Variants in ARSF observed in about 807,000 individuals in gnomAD.
ARSF encodes arylsulfatase F.
In ARSF, 33 loss-of-function variants were observed where a neutral mutation model predicts 35.4. The ratio of observed to expected loss-of-function variants is 0.93; its 90% CI spans 0.71 to 1.25. ARSF has a LOEUF of 1.25. ARSF is among the 50% of genes most tolerant of loss of function. The pLI is 0.00. For synonymous variants in ARSF, 222 were observed against 193.1 expected (o/e 1.15, Z -1.24); for missense variants, 501 against 480.2 (o/e 1.04, Z -0.40).
chrX:3,055,033 C>G (rs1310013611), intron 1 of ARSF, among the ~76,000 whole-genome samples: 1 of 107,442 alleles, frequency 9.3e-6, no homozygotes, highest in East Asian at 3.1e-4. Context: ...CCACATCCAG[C>G]CAAAACTGCA....
intron 10 of ARSF, among the ~76,000 whole-genome samples, chrX:3,111,142 T>C (rs939837131): frequency 1.1e-4 from 12 of 110,080 alleles, no homozygotes; most frequent in Admixed American, 2.9e-4. Flanking sequence ...TTCTTTCTTT[T>C]TTTTTTTTTT....
rs779144113 is a variant in ARSF, at chrX:3,112,251, T to A, written c.1468T>A (p.Leu490Ile). The A allele has an allele frequency of 1.8e-5, 22 of 1,208,053 alleles. No homozygotes were observed. The highest frequency in any genetic ancestry group is 2.2e-5 in the Non-Finnish European group (20 of 894,315). Residue 490 changes from leucine to isoleucine, a missense_variant, in exon 11 of 11, where the codon TTA becomes ATA. Coordinates refer to ENST00000381127, the MANE Select transcript of ARSF (RefSeq NM_001201539.2). The stretch of plus-strand genomic sequence containing the variant: ...TTCTGGTGGCTGCTATGTCACCTCA[T>A]TATGCAGATGTTTCGGAGAACAGGT... ...PASGGCYVTS[L>I]CRCFGEQVTY...
At chrX:3,107,573 A>G (rs776729505) in intron 9 of ARSF, among the ~76,000 whole-genome samples, 1 of 111,594 alleles carries the variant, frequency 9.0e-6, no homozygotes, top group Non-Finnish European at 1.9e-5. Context: ...AGAATCTAGA[A>G]TAGCCTAAAA....
chrX:3,108,681 A>G (rs2090424996), intron 9 of ARSF, among the ~76,000 whole-genome samples: 1 of 112,110 alleles, frequency 8.9e-6, no homozygotes, highest in African/African-American at 3.2e-5. Context: ...TTAACATAGG[A>G]AATCATTGTA....
chrX:3,055,930 TC>T (rs2090016197), intron 1 of ARSF, among the ~76,000 whole-genome samples: 1 of 111,381 alleles, frequency 9.0e-6, no homozygotes, highest in Admixed American at 9.7e-5. Context: ...GCGGCATCAT[TC>T]TTTTTGTCTT....
rs768556149 is a variant in ARSF at position 3,084,474 on chromosome X, C to G, written c.638C>G (p.Ser213Cys). The G allele has an allele frequency of 6.0e-5, 73 of 1,209,395 alleles. No homozygotes were observed. The highest frequency in any genetic ancestry group is 7.9e-5 in the Non-Finnish European group (71 of 895,219). The change falls in exon 6 of 11, where the codon TCT (serine) becomes TGT (cysteine). Residue 213 changes from serine to cysteine, a missense_variant. Transcript: ENST00000381127. Reference protein sequence around the residue: ...LTFGKLSGWVSVPWLLIFSMI... With the variant: ...LTFGKLSGWVCVPWLLIFSMI... ...TTTGGGAAGCTGAGCGGCTGGGTCT[C>G]TGTTCCCTGGCTCCTGATCTTCTCC...
chrX:3,051,994 A>AAAC (rs762493386), intron 1 of ARSF, among the ~76,000 whole-genome samples: 5 of 110,953 alleles, frequency 4.5e-5, no homozygotes, highest in Non-Finnish European at 9.4e-5. Context: ...TGCTGTCTCA[A>AAAC]AACAACAACA....
chrX:3,085,048 A>G (rs1255418809), intron 6 of ARSF, among the ~76,000 whole-genome samples: 2 of 110,642 alleles, frequency 1.8e-5, no homozygotes, highest in Non-Finnish European at 3.8e-5. Flanking sequence ...TTAGATAAAA[A>G]TATGAAGTGT....
At chrX:3,061,824 GA>G (rs1297627605) in intron 1 of ARSF, among the ~76,000 whole-genome samples, 1 of 111,319 alleles carries the variant, frequency 9.0e-6, no homozygotes, top group Non-Finnish European at 1.9e-5. Context: ...GACCTACAAA[GA>G]GACTTAGACT....
intron 7 of ARSF, among the ~76,000 whole-genome samples, chrX:3,092,551 C>G (rs1208442358): frequency 9.0e-6 from 1 of 111,615 alleles, no homozygotes; most frequent in Admixed American, 9.6e-5. Flanking sequence ...TAATATTACG[C>G]AAACGGATGG....
Position 3,092,947 on chromosome X carries a change from T to C in ARSF, c.967+3315T>C, listed in dbSNP as rs372387180. ...CAGCACTTTGGGAGGCCAAGGCGGG[T>C]GGATAACGAGTTCAGGCAATCAAAA... On this transcript the variant is annotated intron_variant, in intron 7 of 10. Coordinates refer to ENST00000381127, the MANE Select transcript of ARSF (RefSeq NM_001201539.2). Among the ~76,000 whole-genome samples, 9 of 111,537 alleles carry C rather than the reference T, an allele frequency of 8.1e-5. No homozygotes were observed. In the East Asian group the frequency reaches 1.1e-3, roughly 14 times the overall value.
At chrX:3,105,151 G>A (rs188510367) in intron 9 of ARSF, among the ~76,000 whole-genome samples, 13 of 112,063 alleles carry the variant, frequency 1.2e-4, no homozygotes, top group African/African-American at 4.2e-4. Context: ...ACGTAACAAA[G>A]CTAATCTATT....
At chrX:3,093,539 T>A (rs1218018784) in intron 7 of ARSF, among the ~76,000 whole-genome samples, 2 of 112,165 alleles carry the variant, frequency 1.8e-5, no homozygotes, top group African/African-American at 6.5e-5. Context: ...GTTAATTTGC[T>A]TAGGACAATA....
chrX:3,102,830 T>A (rs1428871284), intron 8 of ARSF, among the ~76,000 whole-genome samples: 3 of 109,613 alleles, frequency 2.7e-5, no homozygotes, highest in Non-Finnish European at 5.7e-5. Context: ...GAGAATGGCG[T>A]GAACCCAGGA....
At chrX:3,094,956 G>A (rs1440607828) in intron 7 of ARSF, among the ~76,000 whole-genome samples, 1 of 107,867 alleles carries the variant, frequency 9.3e-6, no homozygotes, top group African/African-American at 3.3e-5. Context: ...TATTTCTGTA[G>A]CATATAATTT....
intron 9 of ARSF, among the ~76,000 whole-genome samples, chrX:3,108,650 C>T (rs889858801): frequency 5.4e-5 from 6 of 111,796 alleles, no homozygotes; most frequent in Non-Finnish European, 7.5e-5. Context: ...TCATTATTTC[C>T]GGCAGTTTTT....
At chrX:3,045,479 C>G in intron 1 of ARSF, among the ~76,000 whole-genome samples, 1 of 110,579 alleles carries the variant, frequency 9.0e-6, no homozygotes, top group Non-Finnish European at 1.9e-5. Context: ...ACCAGGTGTA[C>G]CATTTTCATA....
chrX:3,083,531 C>CT (rs1569140908), intron 5 of ARSF, among the ~76,000 whole-genome samples: 116 of 25,084 alleles, frequency 4.6e-3, no homozygotes, highest in East Asian at 0.019. Flanking sequence ...TCTATCTATC[C>CT]ATCCATCCAT....
chrX:3,103,842 C>T lies in ARSF; in HGVS notation c.1183C>T (p.Arg395Trp), dbSNP rs141853880. The T allele has an allele frequency of 3.1e-4, 380 of 1,209,700 alleles. 1 individual carries two copies. The African/African-American group carries it at 4.7e-3, about 15-fold the overall frequency. ...ATGGCCTGGAAAGGTACCAGCTGGACGGTTGATTAAGGAACCTACAAGTTT... is the reference window on the plus strand; with the variant it reads ...ATGGCCTGGAAAGGTACCAGCTGGATGGTTGATTAAGGAACCTACAAGTTT... ...VRWPGKVPAGRLIKEPTSLMD... is the reference protein window; with the variant it reads ...VRWPGKVPAGWLIKEPTSLMD... The change falls in exon 9 of 11, where the codon CGG becomes TGG. Residue 395 changes from arginine (R) to tryptophan (W), a missense_variant. By Grantham distance (101) the Arg-to-Trp change is moderately radical. Transcript: ENST00000381127.
Sources: gnomAD v4.1 joint callset for allele counts (sites outside exome capture counted in the v4.1 genomes callset) on GRCh38, gnomAD v4.1.1 for gene constraint, MANE v1.5 for transcripts, NCBI Gene and HGNC (gene_info 2026-07-23, HGNC 2026-07-21) for gene names.